EFTUD2: variants seen among roughly 807,000 people sequenced by gnomAD.
EFTUD2 encodes the protein 116 kDa U5 small nuclear ribonucleoprotein component.
A neutral mutation model predicts 114.3 loss-of-function variants in EFTUD2; 9 were observed. The ratio of observed to expected loss-of-function variants is 0.08; its 90% confidence interval spans 0.05 to 0.14. The LOEUF (loss-of-function observed/expected upper bound fraction) is 0.14, where lower values mean the gene tolerates loss of function less well. Ranked by LOEUF, EFTUD2 falls within the 10% of genes least tolerant of loss-of-function variation. The pLI is 1.00. For synonymous variants in EFTUD2, 449 were observed against 462.3 expected (o/e 0.97, Z 0.37); for missense variants, 765 against 1,241.2 (o/e 0.62, Z 5.76).
chr17:44,863,731 T>G lies in EFTUD2; in HGVS notation c.1337A>C (p.Lys446Thr). 1 of 1,614,200 alleles carries G rather than the reference T, an allele frequency of 6.2e-7. No homozygotes were observed. The highest frequency in any genetic ancestry group is 8.5e-7 in the Non-Finnish European group (1 of 1,180,022). Residue 446 changes from lysine to threonine, a missense_variant, in exon 15 of 28, where the codon AAG becomes ACG. Coordinates refer to ENST00000426333, the MANE Select transcript of EFTUD2 (RefSeq NM_004247.4). The part of the protein sequence containing the change: ...QHIPSPKVGA[K>T]PKIEHTYTGG... ...GGTGTAGGTGTGCTCAATCTTGGGC[T>G]TGGCGCCCACCTTTGGAGAAGGGAT... is the stretch of plus-strand genomic sequence containing the variant.
At chr17:44,871,558 C>T (rs148351419) in intron 11 of EFTUD2, among the ~76,000 whole-genome samples, 1,861 of 152,012 alleles carry the variant, frequency 0.012, 36 homozygotes, top group African/African-American at 0.042. Flanking sequence ...CCAGGATGGT[C>T]TTGATCTCCC....
intron 1 of EFTUD2, among the ~76,000 whole-genome samples, chr17:44,897,689 C>T (rs1216176542): frequency 6.6e-6 from 1 of 152,166 alleles, no homozygotes. Context: ...CTCAACCTCC[C>T]AAGTAGCTGG....
Position 44,856,025 on chromosome 17 carries a change from GCTAA to G in EFTUD2, c.2046-1025_2046-1022del, listed in dbSNP as rs549219027. ...ACCTGTAGTCCCAGCTACTTGGGAGGCTAACTAAGGTAGGAGGATCGCTTGAGCT... is the reference window on the plus strand; with the variant it reads ...ACCTGTAGTCCCAGCTACTTGGGAGGCTAAGGTAGGAGGATCGCTTGAGCT... On this transcript the variant is annotated intron_variant, in intron 20 of 27. Coordinates refer to ENST00000426333, the MANE Select transcript of EFTUD2 (RefSeq NM_004247.4). Among the ~76,000 whole-genome samples the G allele has an allele frequency of 3.8e-3, 565 of 150,564 alleles. 4 individuals are homozygous for G. Among genetic ancestry groups the G allele is most frequent in the African/African-American group, 0.014 (555 of 41,012 alleles).
rs1423345549 is a variant in EFTUD2 at position 44,871,864 on chromosome 17, C to T, written c.994+582G>A. Reference sequence around the variant, plus strand: ...TTGAACACAGAAAAGACTCTCAGTGCACGATTCCTATTGGAATCTGAGGTA... The same window carrying T: ...TTGAACACAGAAAAGACTCTCAGTGTACGATTCCTATTGGAATCTGAGGTA... On this transcript the variant is annotated intron_variant, in intron 11 of 27. Coordinates refer to ENST00000426333, the MANE Select transcript of EFTUD2 (RefSeq NM_004247.4). 2.0e-5 allele frequency among the ~76,000 whole-genome samples: 3 copies of T among 152,186 alleles called. No homozygotes were observed. In the East Asian group the frequency reaches 5.8e-4, roughly 29 times the overall value.
chr17:44,879,704 G>A, intron 8 of EFTUD2, 66 bp from the exon 9 acceptor site: 2 of 1,504,602 alleles, frequency 1.3e-6, no homozygotes, highest in Non-Finnish European at 1.8e-6. Context: ...CTGGTAGGGT[G>A]AACTGAGGGG....
At chr17:44,865,819 T>C (rs1021062881) in intron 13 of EFTUD2, among the ~76,000 whole-genome samples, 5 of 152,108 alleles carry the variant, frequency 3.3e-5, no homozygotes, top group African/African-American at 7.2e-5. Context: ...CATGCTATAT[T>C]CCCTTTTTTA....
chr17:44,854,849 A>G lies in EFTUD2; in HGVS notation c.2132+69T>C. On this transcript the variant is annotated intron_variant, in intron 21 of 27. Coordinates refer to ENST00000426333, the MANE Select transcript of EFTUD2 (RefSeq NM_004247.4). This position sits in a 1 kb window ranked among gnomAD's most constrained non-coding sequence, Gnocchi z 4.3. ...GCTCCCCAGAAAGATGTGTGCTCTT[A>G]GAGACCCGGCAGTTAAACTGTGGCA... is the stretch of plus-strand genomic sequence containing the variant. 4.4e-6 allele frequency: 7 copies of G among 1,575,134 alleles called. No individual in the cohort carries two copies. The highest frequency in any genetic ancestry group is 6.1e-6 in the Non-Finnish European group (7 of 1,145,484).
chr17:44,881,699 G>C lies in EFTUD2; in HGVS notation c.516C>G (p.Phe172Leu). The change falls in exon 7 of 28, where the codon TTC becomes TTG. Residue 172 changes from phenylalanine (F) to leucine (L), a missense_variant. Around this residue, in one of 6 missense-constraint regions of EFTUD2, gnomAD observed 251 missense variants for 357.7 expected, o/e 0.70. Transcript: ENST00000426333. ...AAGGCATGCTTACCTCTTGCTCTGT[G>C]AAGAGGATGTCAGTATAGCACAGCT... ...DQDLCYTDIL[F>L]TEQERGVGIK... 1 of 1,614,188 alleles carries C rather than the reference G, an allele frequency of 6.2e-7. No individual in the cohort carries two copies. Among genetic ancestry groups the C allele is most frequent in the Non-Finnish European group, 8.5e-7 (1 of 1,180,030 alleles).
At chr17:44,859,468 G>C (rs925177327) in intron 18 of EFTUD2, 14 of 525,332 alleles carry the variant, frequency 2.7e-5, no homozygotes, top group Non-Finnish European at 4.8e-5. Flanking sequence ...ACATAAGCTA[G>C]CCCTTTAGCC....
chr17:44,857,001 G>T, intron 20 of EFTUD2, 74 bp downstream of exon 20: 1 of 1,238,874 alleles, frequency 8.1e-7, no homozygotes, highest in Non-Finnish European at 1.2e-6. Context: ...TCATGGTGGG[G>T]GTAGAGGTGG....
chr17:44,857,162 G>C lies in EFTUD2; in HGVS notation c.1963-5C>G. The C allele has an allele frequency of 6.2e-7, 1 of 1,613,514 alleles. No homozygotes were observed. The highest frequency in any genetic ancestry group is 8.5e-7 in the Non-Finnish European group (1 of 1,179,532). ...CGTGACAACTGGGTCAGCCACCTGG[G>C]AAACAGAAAATAAATTACTGAAGCG... On this transcript the variant is annotated splice_region_variant and splice_polypyrimidine_tract_variant and intron_variant, in intron 19 of 27. Coordinates refer to ENST00000426333, the MANE Select transcript of EFTUD2 (RefSeq NM_004247.4).
Position 44,885,271 on chromosome 17 carries a change from G to A in EFTUD2, c.335C>T (p.Thr112Met), listed in dbSNP as rs759029404. 39 of 1,613,364 alleles carry A rather than the reference G, an allele frequency of 2.4e-5. No homozygotes were observed. The highest frequency in any genetic ancestry group is 3.2e-5 in the Non-Finnish European group (38 of 1,179,586). ...TGTAACTTACTCCATCTCATACACC[G>A]TAACAGGTAATGTCTGCTCCATCAG... ...FTLMEQTLPV[T>M]VYEMDFLADL... The change falls in exon 4 of 28, where the codon ACG becomes ATG. Residue 112 changes from threonine (T) to methionine (M), a missense_variant. Transcript: ENST00000426333.
intron 11 of EFTUD2, among the ~76,000 whole-genome samples, chr17:44,869,405 C>A (rs1040998435): frequency 6.6e-6 from 1 of 152,104 alleles, no homozygotes; most frequent in Admixed American, 6.6e-5. Context: ...CTCATGCAAT[C>A]CCCCCACCTC....
intron 18 of EFTUD2, chr17:44,859,407 A>G: frequency 1.7e-6 from 1 of 581,200 alleles, no homozygotes; most frequent in Non-Finnish European, 3.1e-6. Context: ...GAAGTCAATG[A>G]TTTAATTCCC....
intron 15 of EFTUD2, 57 bp downstream of exon 15, chr17:44,863,597 AT>A: frequency 6.3e-7 from 1 of 1,579,314 alleles, no homozygotes; most frequent in Non-Finnish European, 8.6e-7. Flanking sequence ...AGAAATCAGT[AT>A]CCCCACACAG....
At chr17:44,853,743 A>G in intron 23 of EFTUD2, 108 bp from the exon 24 acceptor site, 1 of 1,549,896 alleles carries the variant, frequency 6.5e-7, no homozygotes, top group Non-Finnish European at 8.7e-7. Flanking sequence ...CAGTCATGAA[A>G]GACATGGTAC....
In EFTUD2 at chr17:44,850,161, A is replaced by G. The variant is rs2050414394; in HGVS notation, c.*1113T>C. 1.8e-6 allele frequency: 1 copy of G among 570,500 alleles called. No homozygotes were observed. Among genetic ancestry groups the G allele is most frequent in the East Asian group, 2.8e-5 (1 of 35,790 alleles). The allele number at this position is 570,500 out of a possible 1,614,324, so 35.3% of individuals were successfully genotyped here. On this transcript the variant is annotated 3_prime_UTR_variant, in exon 28 of 28. Transcript: ENST00000426333. ...GAACTGTCAGATAAGTGGTTTCCCC[A>G]GGTTGTGTGGTCAGATGCTTGAAGC...
At chr17:44,890,008 A>T (rs1290064766) in intron 2 of EFTUD2, among the ~76,000 whole-genome samples, 1 of 151,960 alleles carries the variant, frequency 6.6e-6, no homozygotes, top group African/African-American at 2.4e-5. Flanking sequence ...CTAATTTTTA[A>T]TTTTTTTATT....
At chr17:44,893,971 A>T (rs1159255315) in intron 2 of EFTUD2, among the ~76,000 whole-genome samples, 1 of 151,508 alleles carries the variant, frequency 6.6e-6, no homozygotes, top group African/African-American at 2.4e-5. Flanking sequence ...CAGGAGGCTG[A>T]GGCATTGAGA....
Sources: gnomAD v4.1 joint callset for allele counts (sites outside exome capture counted in the v4.1 genomes callset) on GRCh38, gnomAD v4.1.1 for gene constraint, gnomAD v4.1.1 regional missense constraint, Gnocchi (gnomAD v3.1) non-coding constraint, MANE v1.5 for transcripts, NCBI Gene and HGNC (gene_info 2026-07-23, HGNC 2026-07-21) for gene names.